Variants in SMARCC1 observed in about 807,000 individuals in gnomAD.
The protein encoded by SMARCC1 is SWI/SNF related BAF chromatin remodeling complex subunit C1.
A neutral mutation model predicts 147.4 loss-of-function variants in SMARCC1; 43 were observed. The observed-to-expected ratio is 0.29, with a 90% CI of 0.23 to 0.38. The LOEUF (loss-of-function observed/expected upper bound fraction) is 0.38, where lower values mean the gene tolerates loss of function less well. Among genes scored for constraint, SMARCC1 ranks in the 10% least tolerant of loss-of-function variants. The pLI, the probability that SMARCC1 is intolerant of heterozygous loss-of-function variation, is 1.00. For missense variants in SMARCC1, 1,119 were observed against 1,381.1 expected, an observed-to-expected ratio of 0.81 and a Z score of 3.01; for synonymous variants, 495 against 484.4, an observed-to-expected ratio of 1.02 and a Z score of -0.29.
chr3:47,737,153 G>A (rs961069689), intron 4 of SMARCC1, among the ~76,000 whole-genome samples: 12 of 152,288 alleles, frequency 7.9e-5, no homozygotes, highest in Middle Eastern at 6.8e-3. Flanking sequence ...AGAACTTTGG[G>A]AGGCCAAGCA....
chr3:47,670,754 T>C (rs753731676), intron 18 of SMARCC1, 37 bp from the exon 19 acceptor site: 3 of 1,282,860 alleles, frequency 2.3e-6, no homozygotes, highest in Non-Finnish European at 3.4e-6. Flanking sequence ...TGCTCATTTT[T>C]AAATGCTGAA....
chr3:47,735,880 GA>G (rs111950490), intron 5 of SMARCC1, among the ~76,000 whole-genome samples, 153 bp downstream of exon 5: 2,441 of 76,708 alleles, frequency 0.032, 53 homozygotes, highest in African/African-American at 0.1. Flanking sequence ...TCTCTAAAAA[GA>G]AAAAAAAAAA....
At chr3:47,658,035 G>A (rs534385760) in intron 21 of SMARCC1, among the ~76,000 whole-genome samples, 1 of 151,910 alleles carries the variant, frequency 6.6e-6, no homozygotes, top group Non-Finnish European at 1.5e-5. Flanking sequence ...CGATTAGAGT[G>A]GAGAGAAATT....
At chr3:47,673,265 C>G (rs1265523637) in intron 18 of SMARCC1, among the ~76,000 whole-genome samples, 1 of 151,728 alleles carries the variant, frequency 6.6e-6, no homozygotes, top group African/African-American at 2.4e-5. Context: ...TGGCTCACAC[C>G]TGTAATCCCA....
In SMARCC1 at chr3:47,772,802, A is replaced by C. The variant is rs867386139; in HGVS notation, c.315+15T>G. 37 of 1,605,242 alleles carry C rather than the reference A, an allele frequency of 2.3e-5. 3 individuals carry two copies. Among genetic ancestry groups the C allele is most frequent in the Middle Eastern group, 3.3e-4 (2 of 6,026 alleles). On this transcript the variant is annotated intron_variant, in intron 2 of 27. Transcript: ENST00000254480. ...AACTGAGGATGCCCAAATAACAGTA[A>C]GCTGATGTACTTACAGGGAGTTTGG...
chr3:47,605,007 G>T (rs901438391), intron 26 of SMARCC1, among the ~76,000 whole-genome samples: 5 of 152,124 alleles, frequency 3.3e-5, no homozygotes, highest in Non-Finnish European at 7.3e-5. Context: ...AGCCTAATGT[G>T]CTGTTGCTTT....
At chr3:47,699,794 T>A (rs2033896231) in intron 11 of SMARCC1, among the ~76,000 whole-genome samples, 1 of 152,086 alleles carries the variant, frequency 6.6e-6, no homozygotes, top group Non-Finnish European at 1.5e-5. Context: ...TCTTCTCCTA[T>A]TTTTAACCGT....
chr3:47,739,201 A>T (rs1006462291), intron 3 of SMARCC1, among the ~76,000 whole-genome samples: 1 of 152,224 alleles, frequency 6.6e-6, no homozygotes, highest in Non-Finnish European at 1.5e-5. Flanking sequence ...TAACCCAAGG[A>T]TCCACTGCTT....
At chr3:47,678,072 A>G in intron 16 of SMARCC1, 126 bp downstream of exon 16, 1 of 462,228 alleles carries the variant, frequency 2.2e-6, no homozygotes, top group Non-Finnish European at 4.0e-6. Flanking sequence ...ATCAACCCCT[A>G]AATGGCATAA....
At chr3:47,612,837 C>T (rs941150672) in intron 25 of SMARCC1, among the ~76,000 whole-genome samples, 2 of 152,164 alleles carry the variant, frequency 1.3e-5, no homozygotes, top group African/African-American at 4.8e-5. Flanking sequence ...TGGGGCCAAA[C>T]ATGTCCTATG....
In SMARCC1 at chr3:47,662,435, A is replaced by G. The variant is rs756080936; in HGVS notation, c.2057T>C (p.Val686Ala). ...TGGATTTCCTGACTGACTGAAGGGG[A>G]CAGGCTGGTAGGCCAAAGGCCCAAG... ...ASLGPLAYQPVPFSQSGNPVM... is the reference protein window; with the variant it reads ...ASLGPLAYQPAPFSQSGNPVM... The change falls in exon 20 of 28, where the codon GTC (valine) becomes GCC (alanine). Residue 686 changes from valine (V) to alanine (A), a missense_variant. Around this residue, in one of 6 missense-constraint regions of SMARCC1, gnomAD observed 178 missense variants for 264.6 expected, o/e 0.67. Coordinates refer to ENST00000254480, the MANE Select transcript of SMARCC1 (RefSeq NM_003074.4). The G allele has an allele frequency of 1.9e-6, 3 of 1,614,112 alleles. No individual in the cohort carries two copies. Among genetic ancestry groups the G allele is most frequent in the Non-Finnish European group, 2.5e-6 (3 of 1,179,984 alleles).
chr3:47,659,889 G>T (rs1246376684), intron 21 of SMARCC1, among the ~76,000 whole-genome samples: 4 of 151,752 alleles, frequency 2.6e-5, no homozygotes, highest in Non-Finnish European at 1.5e-5. Context: ...CACTAGATTG[G>T]CTATTACAGG....
Position 47,687,719 on chromosome 3 carries a change from T to A in SMARCC1, c.1264-1549A>T, listed in dbSNP as rs570902645. Among the ~76,000 whole-genome samples, 196 of 152,280 alleles carry A rather than the reference T, an allele frequency of 1.3e-3. 1 individual carries two copies. The highest frequency in any genetic ancestry group is 2.1e-4 in the Non-Finnish European group (14 of 68,014). On this transcript the variant is annotated intron_variant, in intron 13 of 27. Transcript: ENST00000254480. ...CTGGGCTAAAAGTGATTCTCCCACC[T>A]GGGCCTCTCAAAGAACTAGGATTAC...
At chr3:47,685,588 G>A (rs1309398805) in intron 14 of SMARCC1, among the ~76,000 whole-genome samples, 2 of 150,830 alleles carry the variant, frequency 1.3e-5, no homozygotes, top group African/African-American at 2.4e-5. Flanking sequence ...AGCCAGGCGC[G>A]GTGGCTCACG....
chr3:47,754,965 C>G (rs964452779), intron 2 of SMARCC1, among the ~76,000 whole-genome samples: 1 of 152,198 alleles, frequency 6.6e-6, no homozygotes, highest in Non-Finnish European at 1.5e-5. Context: ...ATCGCTTGAA[C>G]CCAGGAGGCA....
intron 26 of SMARCC1, among the ~76,000 whole-genome samples, chr3:47,599,836 T>C (rs752536012): frequency 3.0e-4 from 45 of 152,356 alleles, no homozygotes; most frequent in African/African-American, 1.1e-3. Flanking sequence ...AGAAATAATC[T>C]GGCAAAGAGG....
intron 25 of SMARCC1, among the ~76,000 whole-genome samples, chr3:47,612,439 G>A (rs1338999275): frequency 6.6e-6 from 1 of 152,138 alleles, no homozygotes; most frequent in Non-Finnish European, 1.5e-5. Context: ...GCTTTATAAG[G>A]AAGCTGAACT....
At chr3:47,659,771 G>GGGGGGGGGGC (rs1553680844) in intron 21 of SMARCC1, among the ~76,000 whole-genome samples, 1 of 90,062 alleles carries the variant, frequency 1.1e-5, no homozygotes, top group African/African-American at 4.2e-5. Context: ...GGGGGGGGGG[G>GGGGGGGGGGC]CAAGAATCTG....
intron 24 of SMARCC1, among the ~76,000 whole-genome samples, chr3:47,622,669 C>T (rs1023219645): frequency 1.3e-5 from 2 of 152,122 alleles, no homozygotes; most frequent in Non-Finnish European, 2.9e-5. Context: ...TCCTGGCACT[C>T]GGTCTGTCCC....
Sources: allele counts gnomAD v4.1 joint callset (sites outside exome capture counted in the v4.1 genomes callset), GRCh38; gene constraint gnomAD v4.1.1; regional missense constraint gnomAD v4.1.1; transcripts MANE v1.5; gene names NCBI Gene and HGNC (gene_info 2026-07-23, HGNC 2026-07-21).